The following RAB4A variants were observed in gnomAD, a reference collection of about 807,000 sequenced individuals.
RAB4A encodes the protein ras-related protein Rab-4A.
RAB4A carries 20 observed loss-of-function variants against 34.5 expected under a neutral mutation model. That is an observed-to-expected ratio of 0.58 (90% CI 0.41 to 0.84). RAB4A has a LOEUF of 0.84. Among genes scored for constraint, RAB4A ranks in the 40% least tolerant of loss-of-function variants. The pLI is 0.00. For missense variants in RAB4A, 228 were observed against 274.5 expected (o/e 0.83, Z 1.20); for synonymous variants, 102 against 100.0 (o/e 1.02, Z -0.12).
chr1:229,282,330 A>G (rs1403587224), intron 1 of RAB4A, among the ~76,000 whole-genome samples: 1 of 152,146 alleles, frequency 6.6e-6, no homozygotes, highest in Non-Finnish European at 1.5e-5. Flanking sequence ...CCTTGTAGAT[A>G]TGGTATCATT....
rs754919585 is a variant in RAB4A, at chr1:229,302,952, C to T, written c.632C>T (p.Pro211Leu). 19 of 1,613,882 alleles carry T rather than the reference C, an allele frequency of 1.2e-5. No homozygotes were observed. Among genetic ancestry groups the T allele is most frequent in the Middle Eastern group, 1.6e-4 (1 of 6,062 alleles). Residue 211 changes from proline to leucine, a missense_variant, in exon 7 of 8, where the codon CCG becomes CTG. Physicochemically the swap from Pro to Leu is moderately conservative, Grantham distance 98. Coordinates refer to ENST00000366690, the MANE Select transcript of RAB4A (RefSeq NM_004578.4). ...QLRSPRRAQA[P>L]NAQECGC ...AGGTCACCGCGGCGCGCACAGGCCC[C>T]GAACGCTCAGGAGTGTGGTTGTTAG...
At chr1:229,279,879 C>G (rs1196170120) in intron 1 of RAB4A, among the ~76,000 whole-genome samples, 1 of 152,022 alleles carries the variant, frequency 6.6e-6, no homozygotes, top group Non-Finnish European at 1.5e-5. Context: ...AATTTGAGCC[C>G]TCAAGTTAAC....
chr1:229,297,331 C>A, intron 4 of RAB4A, 151 bp from the exon 5 acceptor site: 1 of 652,878 alleles, frequency 1.5e-6, no homozygotes, highest in Non-Finnish European at 2.5e-6. Context: ...ATGGTATATA[C>A]TTGGTGCATT....
At chr1:229,273,646 T>A (rs1656562166) in intron 1 of RAB4A, among the ~76,000 whole-genome samples, 1 of 152,234 alleles carries the variant, frequency 6.6e-6, no homozygotes, top group South Asian at 2.1e-4. Context: ...GGCTGAGGCA[T>A]GAGAATTGCT....
intron 1 of RAB4A, among the ~76,000 whole-genome samples, chr1:229,285,783 G>A (rs115374932): frequency 0.011 from 1,606 of 152,242 alleles, 15 homozygotes; most frequent in South Asian, 0.028. Flanking sequence ...ATTAACATGG[G>A]TAATATGAAG....
chr1:229,292,695 A>C (rs560439739), intron 3 of RAB4A, among the ~76,000 whole-genome samples: 1 of 152,354 alleles, frequency 6.6e-6, no homozygotes, highest in African/African-American at 2.4e-5. Flanking sequence ...GCCAAGCAGC[A>C]AAGTAATAAT....
chr1:229,293,069 A>G (rs1657136514), intron 3 of RAB4A, among the ~76,000 whole-genome samples: 1 of 152,138 alleles, frequency 6.6e-6, no homozygotes, highest in Non-Finnish European at 1.5e-5. Flanking sequence ...AGAATGATTC[A>G]CACAACTCAG....
rs550525036 is a variant in RAB4A at position 229,296,059 on chromosome 1, A to G, written c.290+149A>G. On this transcript the variant is annotated intron_variant, in intron 4 of 7. Transcript: ENST00000366690. ...ATCCAGGAAGCCCCTTAGCCCTTCC[A>G]TCTGGGGTCTCAGAGGTCTTTGAAC... 24 of 684,716 alleles carry G rather than the reference A, an allele frequency of 3.5e-5. No homozygotes were observed. In the African/African-American group the frequency reaches 4.0e-4, roughly 11 times the overall value. 42.4% of individuals were successfully genotyped at this position (684,716 alleles called of 1,614,324 possible).
chr1:229,282,543 T>G (rs559459494), intron 1 of RAB4A, among the ~76,000 whole-genome samples: 2 of 152,334 alleles, frequency 1.3e-5, no homozygotes, highest in African/African-American at 4.8e-5. Context: ...CTCTTTGTCC[T>G]CTCCTTCCAG....
At chr1:229,298,241 C>T (rs534101112) in intron 5 of RAB4A, among the ~76,000 whole-genome samples, 21 of 152,250 alleles carry the variant, frequency 1.4e-4, no homozygotes, top group African/African-American at 4.8e-4. Flanking sequence ...AATATTTGGA[C>T]TCTAAGATTC....
chr1:229,280,735 G>A (rs549968194), intron 1 of RAB4A, among the ~76,000 whole-genome samples: 11 of 152,128 alleles, frequency 7.2e-5, no homozygotes, highest in Non-Finnish European at 1.2e-4. Flanking sequence ...GGACACTTCC[G>A]TCACCACAAG....
chr1:229,288,596 T>C, intron 2 of RAB4A, 133 bp from the exon 3 acceptor site: 1 of 565,250 alleles, frequency 1.8e-6, no homozygotes, highest in Non-Finnish European at 3.1e-6. Context: ...CAATGGAATG[T>C]TGGAGAAATG....
chr1:229,290,945 A>G (rs1006083307), intron 3 of RAB4A, among the ~76,000 whole-genome samples: 1 of 152,154 alleles, frequency 6.6e-6, no homozygotes, highest in Non-Finnish European at 1.5e-5. Context: ...TGGCCCACCT[A>G]AAATCAAACA....
chr1:229,303,685 A>T (rs1474162513), intron 7 of RAB4A, 121 bp from the exon 8 acceptor site: 1 of 152,232 alleles, frequency 6.6e-6, no homozygotes, highest in Non-Finnish European at 1.5e-5. Context: ...GACATCATGT[A>T]GTAGGCACAG....
At chr1:229,285,412 G>C (rs1215888764) in intron 1 of RAB4A, among the ~76,000 whole-genome samples, 1 of 152,146 alleles carries the variant, frequency 6.6e-6, no homozygotes, top group Non-Finnish European at 1.5e-5. Flanking sequence ...TCATCTCTCA[G>C]TGGTGATTAA....
At chr1:229,281,131 G>A (rs192630863) in intron 1 of RAB4A, among the ~76,000 whole-genome samples, 3 of 152,130 alleles carry the variant, frequency 2.0e-5, no homozygotes, top group East Asian at 3.9e-4. Flanking sequence ...TCATTTCTCC[G>A]AGATGAATGT....
Sources: allele counts gnomAD v4.1 joint callset (sites outside exome capture counted in the v4.1 genomes callset), GRCh38; gene constraint gnomAD v4.1.1; transcripts MANE v1.5; gene names NCBI Gene and HGNC (gene_info 2026-07-23, HGNC 2026-07-21).